TTC23L: variants seen among roughly 807,000 people sequenced by gnomAD.
TTC23L encodes the protein tetratricopeptide repeat domain 23 like, also known as tetratricopeptide repeat protein 23-like.
A neutral mutation model predicts 48.1 loss-of-function variants in TTC23L; 42 were observed. The observed-to-expected ratio is 0.87, with a 90% CI of 0.68 to 1.13. The LOEUF is 1.13. TTC23L is among the 50% of genes most tolerant of loss of function. The probability of loss-of-function intolerance (pLI) is 0.00; values close to 1 mark genes in which losing one functional copy is unlikely to be tolerated. For synonymous variants in TTC23L, 159 were observed against 157.2 expected (o/e 1.01, Z -0.09); for missense variants, 391 against 421.0 (o/e 0.93, Z 0.62).
chr5:34,915,727 C>G, the TTC23L span: 1 of 1,592,772 alleles, frequency 6.3e-7, no homozygotes, highest in Non-Finnish European at 8.5e-7. Context: ...AGAGCGCGGG[C>G]GGCGAGGCAA....
intron 8 of TTC23L, among the ~76,000 whole-genome samples, chr5:34,872,774 G>C (rs1002188185): frequency 1.7e-4 from 26 of 152,270 alleles, no homozygotes; most frequent in African/African-American, 5.5e-4. Flanking sequence ...TAAAAGAACC[G>C]GACTTGGGCT....
chr5:34,885,037 AC>A (rs1762462935), intron 9 of TTC23L, among the ~76,000 whole-genome samples: 1 of 152,156 alleles, frequency 6.6e-6, no homozygotes, highest in Non-Finnish European at 1.5e-5. Context: ...ATACCTCTTC[AC>A]CTTCCCTAAA....
At chr5:34,918,497 T>C in the TTC23L span, 6 of 1,327,244 alleles carry the variant, frequency 4.5e-6, no homozygotes, top group East Asian at 7.4e-5. Context: ...TCATATACTT[T>C]AGAAATTTCT....
chr5:34,924,399 A>T, the TTC23L span, among the ~76,000 whole-genome samples: 3 of 152,224 alleles, frequency 2.0e-5, no homozygotes, highest in Non-Finnish European at 4.4e-5. Flanking sequence ...TTAATTCCAT[A>T]ATCAGTAGCT....
At chr5:34,920,854 GGTTT>G in the TTC23L span, 240 of 151,880 alleles carry the variant, frequency 1.6e-3, no homozygotes, top group African/African-American at 5.4e-3. Context: ...AAGTTGTTAG[GGTTT>G]GTTTATTTGT....
At chr5:34,922,841 G>C in the TTC23L span, 2 of 1,413,312 alleles carry the variant, frequency 1.4e-6, no homozygotes, top group Non-Finnish European at 2.0e-6. Flanking sequence ...ATATAGTTGT[G>C]TTATTCAATT....
At chr5:34,911,441 G>A in the TTC23L span, 4 of 1,304,664 alleles carry the variant, frequency 3.1e-6, no homozygotes, top group Non-Finnish European at 4.2e-6. Context: ...GCTGTCTAAA[G>A]TTGTGAAAAC....
At chr5:34,897,712 T>C (rs1397178886) in intron 10 of TTC23L, among the ~76,000 whole-genome samples, 2 of 152,220 alleles carry the variant, frequency 1.3e-5, no homozygotes, top group Non-Finnish European at 2.9e-5. Context: ...AAATAAAACC[T>C]TGCCCTGTCT....
intron 9 of TTC23L, chr5:34,883,255 T>C (rs1427305423): frequency 1.3e-5 from 2 of 159,728 alleles, no homozygotes; most frequent in East Asian, 1.8e-4. Flanking sequence ...AGAGCCTACA[T>C]TGTTATCCAG....
chr5:34,841,112 T>C (rs925528038), intron 2 of TTC23L, among the ~76,000 whole-genome samples: 3 of 152,220 alleles, frequency 2.0e-5, no homozygotes, highest in Non-Finnish European at 4.4e-5. Flanking sequence ...TCTGCTATAA[T>C]ATCTGTTTGT....
the TTC23L span, chr5:34,908,492 G>A: frequency 2.4e-5 from 6 of 249,898 alleles, no homozygotes; most frequent in African/African-American, 8.9e-5. Context: ...GAAATGTTAC[G>A]CTGACTCACA....
At chr5:34,841,840 C>G (rs577781258) in intron 2 of TTC23L, among the ~76,000 whole-genome samples, 1 of 152,282 alleles carries the variant, frequency 6.6e-6, no homozygotes, top group Admixed American at 6.5e-5. Context: ...TAACCATTCT[C>G]TATAGCAGGG....
chr5:34,853,711 C>G (rs984490907), intron 4 of TTC23L, among the ~76,000 whole-genome samples: 1 of 152,228 alleles, frequency 6.6e-6, no homozygotes, highest in South Asian at 2.1e-4. Flanking sequence ...TTCAACAGTT[C>G]AGATGGTAGA....
At chr5:34,905,929 A>G in the TTC23L span, 1 of 152,216 alleles carries the variant, frequency 6.6e-6, no homozygotes, top group African/African-American at 2.4e-5. Flanking sequence ...AGCTGAAGAC[A>G]TGCAGCTAAA....
chr5:34,850,707 A>G (rs1300637406), intron 4 of TTC23L, among the ~76,000 whole-genome samples: 1 of 152,160 alleles, frequency 6.6e-6, no homozygotes, highest in African/African-American at 2.4e-5. Flanking sequence ...GGCAGACCCA[A>G]TAATGGGACT....
the TTC23L span, chr5:34,908,299 G>T: frequency 1.3e-5 from 2 of 150,714 alleles, no homozygotes; most frequent in African/African-American, 4.9e-5. Flanking sequence ...TCAGCCTCCC[G>T]AGTAGCTGGC....
At chr5:34,882,618 T>TACACAC (rs146120966) in intron 9 of TTC23L, among the ~76,000 whole-genome samples, 30,755 of 140,648 alleles carry the variant, frequency 0.22, 3,787 homozygotes, top group South Asian at 0.33. Context: ...TCCCATGGAC[T>TACACAC]ACACACACAC....
chr5:34,904,737 T>C, the TTC23L span, among the ~76,000 whole-genome samples: 1 of 152,108 alleles, frequency 6.6e-6, no homozygotes. Context: ...TGTCCTAACG[T>C]AGTCAGCCAC....
intron 10 of TTC23L, among the ~76,000 whole-genome samples, chr5:34,897,581 T>G (rs1763313352): frequency 6.6e-6 from 1 of 152,098 alleles, no homozygotes; most frequent in Non-Finnish European, 1.5e-5. Flanking sequence ...CCTCAGCCTC[T>G]CAAAGTCCTG....
Sources: gnomAD v4.1 joint callset for allele counts (sites outside exome capture counted in the v4.1 genomes callset) on GRCh38, gnomAD v4.1.1 for gene constraint, MANE v1.5 for transcripts, NCBI Gene and HGNC (gene_info 2026-07-23, HGNC 2026-07-21) for gene names.